NUFIP1: variants seen among roughly 807,000 people sequenced by gnomAD.
NUFIP1 encodes nuclear FMR1 interacting protein 1.
Under a neutral mutation model 56.2 loss-of-function variants are expected in NUFIP1, and 38 were observed. The ratio of observed to expected loss-of-function variants is 0.68; its 90% CI spans 0.52 to 0.89. NUFIP1 has a LOEUF of 0.89. NUFIP1 is among the 40% of genes least tolerant of loss of function. The pLI is 0.00. For synonymous variants in NUFIP1, 215 were observed against 212.4 expected (o/e 1.01, Z -0.10); for missense variants, 567 against 605.8 (o/e 0.94, Z 0.67).
chr13:44,954,571 T>C (rs1008860427), intron 7 of NUFIP1, among the ~76,000 whole-genome samples: 7 of 152,196 alleles, frequency 4.6e-5, no homozygotes, highest in African/African-American at 1.7e-4. Context: ...GCTTCCTATC[T>C]GGCTTCTTCC....
At chr13:44,958,189 T>C (rs1222705679) in intron 7 of NUFIP1, among the ~76,000 whole-genome samples, 2 of 152,220 alleles carry the variant, frequency 1.3e-5, no homozygotes, top group East Asian at 3.8e-4. Context: ...GTGAGACTCA[T>C]ATGTTCAAAT....
chr13:44,944,166 G>A (rs1870839591), intron 8 of NUFIP1, among the ~76,000 whole-genome samples: 1 of 152,154 alleles, frequency 6.6e-6, no homozygotes, highest in African/African-American at 2.4e-5. Context: ...TACATGTGAA[G>A]TAGATATCAT....
At chr13:44,960,903 A>C (rs1871400455) in intron 6 of NUFIP1, among the ~76,000 whole-genome samples, 1 of 152,152 alleles carries the variant, frequency 6.6e-6, no homozygotes, top group Admixed American at 6.5e-5. Flanking sequence ...AATACAAAAA[A>C]TAAGCTGGGC....
At chr13:44,970,512 C>T (rs1389403784) in intron 5 of NUFIP1, among the ~76,000 whole-genome samples, 4 of 152,140 alleles carry the variant, frequency 2.6e-5, no homozygotes, top group East Asian at 1.9e-4. Flanking sequence ...GTGGCTTCAT[C>T]GGAAAGAATG....
chr13:44,948,182 A>C (rs1224511201), intron 8 of NUFIP1, among the ~76,000 whole-genome samples: 5 of 123,162 alleles, frequency 4.1e-5, no homozygotes, highest in African/African-American at 1.3e-4. Flanking sequence ...TCTCACTGTC[A>C]CCCGGGCTGG....
At chr13:44,947,234 CTTTTTTTTTTT>C (rs899115570) in intron 8 of NUFIP1, among the ~76,000 whole-genome samples, 16 of 124,300 alleles carry the variant, frequency 1.3e-4, no homozygotes, top group African/African-American at 3.6e-4. Flanking sequence ...AAGCTTATTC[CTTTTTTTTTTT>C]TTTTTTTTTT....
chr13:44,943,795 C>T, intron 8 of NUFIP1, 121 bp from the exon 9 acceptor site: 1 of 747,898 alleles, frequency 1.3e-6, no homozygotes, highest in Middle Eastern at 3.1e-4. Flanking sequence ...CACTTAATAA[C>T]TTAAAACTAT....
chr13:44,987,381 T>TA (rs965217237), intron 1 of NUFIP1, among the ~76,000 whole-genome samples: 7 of 150,468 alleles, frequency 4.7e-5, no homozygotes, highest in East Asian at 1.9e-4. Context: ...CTCAACAAAT[T>TA]AAAAAAAAAA....
chr13:44,954,009 T>C (rs1038774244), intron 7 of NUFIP1, among the ~76,000 whole-genome samples: 1 of 147,318 alleles, frequency 6.8e-6, no homozygotes, highest in Non-Finnish European at 1.5e-5. Context: ...CTTTTCATCT[T>C]AAAAAGAAAG....
chr13:44,964,507 G>A (rs1488331020), intron 6 of NUFIP1, among the ~76,000 whole-genome samples: 1 of 152,172 alleles, frequency 6.6e-6, no homozygotes, highest in East Asian at 1.9e-4. Flanking sequence ...GCGGAGAAGA[G>A]GAATCCAGAT....
intron 9 of NUFIP1, 54 bp from the exon 10 acceptor site, chr13:44,941,376 T>C (rs1870730085): frequency 8.6e-6 from 9 of 1,041,248 alleles, no homozygotes; most frequent in Non-Finnish European, 1.2e-5. Context: ...ATCTGGGAAA[T>C]ACAATCTAAA....
In NUFIP1 at chr13:44,989,211, C is replaced by G; in HGVS notation, c.226G>C (p.Gly76Arg). The change falls in exon 1 of 10, where the codon GGG becomes CGG. Residue 76 changes from glycine to arginine, a missense_variant. Coordinates refer to ENST00000379161, the MANE Select transcript of NUFIP1 (RefSeq NM_012345.3). ...QPPMEAQSLP[G>R]APPPFDAQIL... ...TGGGCGTCGAAGGGGGGCGGAGCCC[C>G]GGGGAGAGACTGGGCCTCCATGGGG... 2 of 1,611,064 alleles carry G rather than the reference C, an allele frequency of 1.2e-6. No individual in the cohort carries two copies. Among genetic ancestry groups the G allele is most frequent in the Non-Finnish European group, 1.7e-6 (2 of 1,178,754 alleles).
chr13:44,981,805 C>T (rs912958222), intron 2 of NUFIP1, among the ~76,000 whole-genome samples: 17 of 151,758 alleles, frequency 1.1e-4, no homozygotes, highest in Admixed American at 7.9e-4. Context: ...GAGTGAAACT[C>T]CATCTAAAAA....
At position 44,943,498 on chromosome 13, in the gene NUFIP1, G is replaced by A. The variant is rs764629731; in HGVS notation, c.1315C>T (p.His439Tyr). The A allele has an allele frequency of 4.3e-6, 7 of 1,614,066 alleles. No individual in the cohort carries two copies. The highest frequency in any genetic ancestry group is 5.9e-6 in the Non-Finnish European group (7 of 1,179,968). ...GGTTCGAATAACGTTTGATAGTTGT[G>A]ATAATCTTTTTTCCTCTTAGGGTTT... ...KTNPKRKKDY[H>Y]NYQTLFEPRT... is the part of the protein sequence containing the mutation. Residue 439 changes from histidine to tyrosine, a missense_variant, in exon 9 of 10, where the codon CAC becomes TAC. His to Tyr is a moderately conservative substitution (Grantham distance 83). Transcript: ENST00000379161.
intron 8 of NUFIP1, among the ~76,000 whole-genome samples, chr13:44,945,646 T>C (rs760641911): frequency 1.3e-5 from 2 of 152,094 alleles, no homozygotes; most frequent in Admixed American, 6.5e-5. Flanking sequence ...ATCCTGGGAA[T>C]ACAGGCTGGT....
At chr13:44,984,186 T>G (rs1473912160) in intron 1 of NUFIP1, among the ~76,000 whole-genome samples, 1 of 152,218 alleles carries the variant, frequency 6.6e-6, no homozygotes, top group Non-Finnish European at 1.5e-5. Context: ...ATACATCTCC[T>G]AAGACACTTC....
intron 7 of NUFIP1, 44 bp downstream of exon 7, chr13:44,959,337 T>C: frequency 1.3e-6 from 2 of 1,538,060 alleles, no homozygotes; most frequent in South Asian, 1.2e-5. Flanking sequence ...TTCAGCATCA[T>C]TGTCTATACA....
intron 5 of NUFIP1, among the ~76,000 whole-genome samples, chr13:44,977,429 T>G (rs1872019084): frequency 6.6e-6 from 1 of 152,232 alleles, no homozygotes; most frequent in African/African-American, 2.4e-5. Context: ...TTAGTTCAGC[T>G]GGTATTTTTT....
intron 9 of NUFIP1, 97 bp from the exon 10 acceptor site, chr13:44,941,419 C>T (rs1262590402): frequency 3.0e-6 from 2 of 662,144 alleles, no homozygotes; most frequent in Admixed American, 3.0e-5. Context: ...ATAAAGAAGA[C>T]AGAACAATAA....
Sources: allele counts gnomAD v4.1 joint callset (sites outside exome capture counted in the v4.1 genomes callset), GRCh38; gene constraint gnomAD v4.1.1; transcripts MANE v1.5; gene names NCBI Gene and HGNC (gene_info 2026-07-23, HGNC 2026-07-21).